Variants in CNGA2 observed in about 807,000 individuals in gnomAD.
CNGA2 encodes the protein cyclic nucleotide gated channel subunit alpha 2.
CNGA2 carries 22 observed loss-of-function variants against 35.9 expected under a neutral mutation model. The ratio of observed to expected loss-of-function variants is 0.61; its 90% CI spans 0.44 to 0.88. CNGA2 has a LOEUF of 0.88. Among genes scored for constraint, CNGA2 ranks in the 40% least tolerant of loss-of-function variants. CNGA2 has a pLI of 0.00. For missense variants in CNGA2, 555 were observed against 530.8 expected, an observed-to-expected ratio of 1.05 and a Z score of -0.45; for synonymous variants, 217 against 209.2, an observed-to-expected ratio of 1.04 and a Z score of -0.32.
chrX:151,738,883 G>A lies in CNGA2; in HGVS notation c.203+4G>A, dbSNP rs1434472790. ...AGGGAAGGAGTGGCTTCCGCAGGTG[G>A]GTCCCACCACTACCCTGCTGCTTCC... On this transcript the variant is annotated splice_donor_region_variant and intron_variant, in intron 3 of 6. Transcript: ENST00000329903. 8.6e-6 allele frequency: 10 copies of A among 1,157,076 alleles called. No individual in the cohort carries two copies. Among genetic ancestry groups the A allele is most frequent in the Non-Finnish European group, 1.2e-5 (10 of 865,337 alleles).
At position 151,744,162 on chromosome X, in the gene CNGA2, G is replaced by A. The variant is rs770372022; in HGVS notation, c.1659G>A (p.Lys553=). The A allele has an allele frequency of 1.7e-6, 2 of 1,210,727 alleles. No homozygotes were observed. The highest frequency in any genetic ancestry group is 2.2e-6 in the Non-Finnish European group (2 of 895,340). ...ACTCAGATCTCTTCTGCTTGTCCAA[G>A]GATGATCTTATGGAAGCTGTGACTG... is the stretch of plus-strand genomic sequence containing the variant. The part of the protein sequence containing the change: ...LGYSDLFCLS[K]DDLMEAVTEY... Residue 553 remains lysine (K), a synonymous_variant, in exon 7 of 7, where the codon AAG becomes AAA. Coordinates refer to ENST00000329903, the MANE Select transcript of CNGA2 (RefSeq NM_005140.3).
intron 5 of CNGA2, 32 bp from the exon 6 acceptor site, chrX:151,742,504 T>TG (rs766543320): frequency 8.8e-7 from 1 of 1,135,301 alleles, no homozygotes; most frequent in African/African-American, 1.8e-5. Context: ...TGGCTGGCTT[T>TG]GGGGGTGAAG....
Position 151,742,960 on chromosome X carries a change from G to GTA in CNGA2, c.590-123_590-122dup, listed in dbSNP as rs1235069497. The GTA allele has an allele frequency of 1.0e-4, 5 of 49,959 alleles. 1 individual carries two copies. The highest frequency in any genetic ancestry group is 5.2e-4 in the African/African-American group (4 of 7,718). The allele number at this position is 49,959 out of a possible 1,213,427, so 4.1% of individuals were successfully genotyped here. On this transcript the variant is annotated intron_variant, in intron 6 of 6. Transcript: ENST00000329903. ...TATATATGTATATGTATATATATAT[G>GTA]TATATATATATGTATATATATACAT...
In CNGA2 at chrX:151,745,003, T is replaced by A. The variant is rs879371; in HGVS notation, c.*505T>A. 27,130 of 113,745 alleles carry A rather than the reference T, an allele frequency of 0.24. 3,426 individuals are homozygous for A. Among genetic ancestry groups the A allele is most frequent in the African/African-American group, 0.49 (14,973 of 30,477 alleles). The allele number at this position is 113,745 out of a possible 1,213,427, so 9.4% of individuals were successfully genotyped here. A position where few individuals can be genotyped will look rare whatever the true frequency, so the allele number is the denominator to read the frequency against. ...CCCACTCAGGGTTATTCCTCCCCCA[T>A]CAGATGCTCCAGCTCCTGCTCTGTA... On this transcript the variant is annotated 3_prime_UTR_variant, in exon 7 of 7. Transcript: ENST00000329903.
chrX:151,743,795 A>G lies in CNGA2; in HGVS notation c.1292A>G (p.Asn431Ser). The G allele has an allele frequency of 8.3e-7, 1 of 1,211,567 alleles. No individual in the cohort carries two copies. The highest frequency in any genetic ancestry group is 1.8e-5 in the South Asian group (1 of 56,945). ...GTGGATGAGCGAGAAATTCTCAAGA[A>G]TCTGCCAGCCAAGCTCAGGGCTGAG... ...KTVDEREILK[N>S]LPAKLRAEIA... Residue 431 changes from asparagine to serine, a missense_variant, in exon 7 of 7, where the codon AAT (asparagine) becomes AGT (serine). By Grantham distance (46) the Asn-to-Ser change is conservative. Coordinates refer to ENST00000329903, the MANE Select transcript of CNGA2 (RefSeq NM_005140.3).
chrX:151,742,958 A>ATGTATATATATACATATATATG (rs2015323972), intron 6 of CNGA2, 135 bp from the exon 7 acceptor site: 1 of 69,208 alleles, frequency 1.4e-5, no homozygotes, highest in Non-Finnish European at 2.4e-5. Context: ...GTATATATAT[A>ATGTATATATATACATATATATG]TGTATATATA....
In CNGA2 at chrX:151,744,172, A is replaced by C; in HGVS notation, c.1669A>C (p.Met557Leu). 8.3e-7 allele frequency: 1 copy of C among 1,210,739 alleles called. No individual in the cohort carries two copies. The highest frequency in any genetic ancestry group is 1.1e-6 in the Non-Finnish European group (1 of 895,309). Residue 557 changes from methionine to leucine, a missense_variant, in exon 7 of 7, where the codon ATG becomes CTG. By Grantham distance (15) the Met-to-Leu change is conservative. Transcript: ENST00000329903. ...CTTCTGCTTGTCCAAGGATGATCTT[A>C]TGGAAGCTGTGACTGAGTACCCTGA... Reference protein sequence around the residue: ...DLFCLSKDDLMEAVTEYPDAK... With the variant: ...DLFCLSKDDLLEAVTEYPDAK...
intron 4 of CNGA2, among the ~76,000 whole-genome samples, 184 bp from the exon 5 acceptor site, chrX:151,740,610 T>A (rs2015294707): frequency 8.9e-6 from 1 of 112,196 alleles, no homozygotes; most frequent in African/African-American, 3.2e-5. Flanking sequence ...TGAGTTCCAC[T>A]CAGATGTCCA....
intron 5 of CNGA2, among the ~76,000 whole-genome samples, chrX:151,741,244 G>T (rs2015302602): frequency 8.9e-6 from 1 of 111,791 alleles, no homozygotes; most frequent in Non-Finnish European, 1.9e-5. Context: ...AAACTCCTCT[G>T]GACCTGACCT....
At chrX:151,742,936 A>C (rs1432797716) in intron 6 of CNGA2, among the ~76,000 whole-genome samples, 157 bp from the exon 7 acceptor site, 1 of 79,928 alleles carries the variant, frequency 1.3e-5, no homozygotes, top group Admixed American at 1.4e-4. Context: ...ATATATATAT[A>C]TATATGTATA....
At chrX:151,738,037 G>A (rs2015265253) in intron 1 of CNGA2, among the ~76,000 whole-genome samples, 1 of 103,087 alleles carries the variant, frequency 9.7e-6, no homozygotes, top group African/African-American at 3.5e-5. Flanking sequence ...AGGGCTTTGG[G>A]GCAGTGGCTG....
chrX:151,742,678 G>T (rs761761130), intron 6 of CNGA2, 36 bp downstream of exon 6: 1 of 1,098,309 alleles, frequency 9.1e-7, no homozygotes. Flanking sequence ...AAATCCGAAG[G>T]CCTGAGTCCA....
rs748048255 is a variant in CNGA2 at position 151,738,926 on chromosome X, C to A, written c.203+47C>A. On this transcript the variant is annotated intron_variant, in intron 3 of 6. Coordinates refer to ENST00000329903, the MANE Select transcript of CNGA2 (RefSeq NM_005140.3). ...CTGCTTCCCCTTCCTGTGCATGGAG[C>A]CTGTCAGGGTGGCTACCACTGCCCT... 2.7e-5 allele frequency: 28 copies of A among 1,041,959 alleles called. No individual in the cohort carries two copies. In the East Asian group the frequency reaches 3.7e-4, roughly 14 times the overall value. The allele number at this position is 1,041,959 out of a possible 1,213,427, so 85.9% of individuals were successfully genotyped here.
intron 6 of CNGA2, 50 bp from the exon 7 acceptor site, chrX:151,743,040 GTAT>G: frequency 2.3e-5 from 1 of 44,291 alleles, no homozygotes. Flanking sequence ...ACATATATAT[GTAT>G]ATATATACCC....
chrX:151,740,750 T>A (rs368328388), intron 4 of CNGA2, 44 bp from the exon 5 acceptor site: 68 of 1,054,578 alleles, frequency 6.4e-5, no homozygotes, highest in Non-Finnish European at 8.9e-5. Flanking sequence ...GCTATCACAC[T>A]GGGGGACCTG....
chrX:151,738,826 G>T lies in CNGA2; in HGVS notation c.150G>T (p.Leu50=), dbSNP rs1228273869. Reference sequence around the variant, plus strand: ...CTGACGATGACACCTCCTCAGAACTGCAGAGGCTGGCAGACGTGGATGCCC... The same window carrying T: ...CTGACGATGACACCTCCTCAGAACTTCAGAGGCTGGCAGACGTGGATGCCC... ...SAADDDTSSE[L]QRLADVDAPQ... is the part of the protein sequence containing the mutation. Residue 50 remains leucine (L), a synonymous_variant, in exon 3 of 7, where the codon CTG becomes CTT. Coordinates refer to ENST00000329903, the MANE Select transcript of CNGA2 (RefSeq NM_005140.3). 1 of 1,177,307 alleles carries T rather than the reference G, an allele frequency of 8.5e-7. No homozygotes were observed. The highest frequency in any genetic ancestry group is 1.1e-6 in the Non-Finnish European group (1 of 877,864).
In CNGA2 at chrX:151,743,831, A is replaced by C. The variant is rs773897889; in HGVS notation, c.1328A>C (p.Asn443Thr). 1.7e-6 allele frequency: 2 copies of C among 1,211,757 alleles called. No individual in the cohort carries two copies. Among genetic ancestry groups the C allele is most frequent in the Non-Finnish European group, 2.2e-6 (2 of 895,545 alleles). ...PAKLRAEIAINVHLSTLKKVR... is the reference protein window; with the variant it reads ...PAKLRAEIAITVHLSTLKKVR... ...AAGCTCAGGGCTGAGATAGCCATCA[A>C]TGTCCACTTGTCCACACTCAAGAAA... The change falls in exon 7 of 7, where the codon AAT becomes ACT. Residue 443 changes from asparagine (N) to threonine (T), a missense_variant. Coordinates refer to ENST00000329903, the MANE Select transcript of CNGA2 (RefSeq NM_005140.3).
chrX:151,740,085 G>A (rs1179181664), intron 4 of CNGA2, among the ~76,000 whole-genome samples: 1 of 112,280 alleles, frequency 8.9e-6, no homozygotes, highest in Non-Finnish European at 1.9e-5. Flanking sequence ...TCTCCACTGT[G>A]GGCAAGGAAG....
chrX:151,737,817 C>G (rs192213105), intron 1 of CNGA2, among the ~76,000 whole-genome samples: 1 of 107,767 alleles, frequency 9.3e-6, no homozygotes, highest in Non-Finnish European at 1.9e-5. Flanking sequence ...CTTAAGCTGC[C>G]GAGCAGCTCC....
Sources: gnomAD v4.1 joint callset for allele counts (sites outside exome capture counted in the v4.1 genomes callset) on GRCh38, gnomAD v4.1.1 for gene constraint, MANE v1.5 for transcripts, NCBI Gene and HGNC (gene_info 2026-07-23, HGNC 2026-07-21) for gene names.